Variants in UBAP2L observed in about 807,000 individuals in gnomAD.
UBAP2L encodes ubiquitin-associated protein 2-like.
Under a neutral mutation model 130.6 loss-of-function variants are expected in UBAP2L, and 12 were observed. That is an observed-to-expected ratio of 0.09 (90% CI 0.06 to 0.15). The LOEUF is 0.15. UBAP2L is among the 10% of genes least tolerant of loss of function. The probability of loss-of-function intolerance (pLI) is 1.00; values close to 1 mark genes in which losing one functional copy is unlikely to be tolerated. For missense variants in UBAP2L, 965 were observed against 1,332.5 expected, an observed-to-expected ratio of 0.72 and a Z score of 4.29; for synonymous variants, 503 against 524.7, an observed-to-expected ratio of 0.96 and a Z score of 0.57.
chr1:154,241,662 C>T (rs1312310769), intron 9 of UBAP2L, 97 bp downstream of exon 9: 1 of 1,551,180 alleles, frequency 6.4e-7, no homozygotes. Flanking sequence ...AAAATTCACC[C>T]TTAAGATTCT....
intron 24 of UBAP2L, chr1:154,263,365 T>G: frequency 7.2e-7 from 1 of 1,379,882 alleles, no homozygotes; most frequent in South Asian, 1.8e-5. Context: ...TCTTACCCAT[T>G]TCAAGTTCAA....
At chr1:154,248,462 A>C (rs955014037) in intron 11 of UBAP2L, among the ~76,000 whole-genome samples, 3 of 152,196 alleles carry the variant, frequency 2.0e-5, no homozygotes, top group African/African-American at 7.2e-5. Context: ...TGAGAAGGGC[A>C]AGGACCTTAA....
chr1:154,249,151 C>T, intron 11 of UBAP2L, 88 bp from the exon 12 acceptor site: 1 of 1,294,852 alleles, frequency 7.7e-7, no homozygotes, highest in Non-Finnish European at 1.1e-6. Context: ...CTGATCTATA[C>T]TGGCTCTCGG....
intron 21 of UBAP2L, 152 bp from the exon 22 acceptor site, chr1:154,259,796 T>C (rs1680938827): frequency 1.2e-6 from 1 of 842,982 alleles, no homozygotes; most frequent in African/African-American, 1.7e-5. Context: ...GCAAGAGTAA[T>C]GTGGAGTTTG....
At chr1:154,250,202 G>A (rs994466350) in intron 12 of UBAP2L, among the ~76,000 whole-genome samples, 1 of 152,114 alleles carries the variant, frequency 6.6e-6, no homozygotes, top group African/African-American at 2.4e-5. Context: ...GGGACCACAG[G>A]CTTGTACCAC....
chr1:154,226,488 CTG>C (rs796471233), intron 2 of UBAP2L, among the ~76,000 whole-genome samples: 1 of 152,244 alleles, frequency 6.6e-6, no homozygotes, highest in African/African-American at 2.4e-5. Flanking sequence ...TTTCTTTCAT[CTG>C]TGTTTTCAAG....
intron 14 of UBAP2L, among the ~76,000 whole-genome samples, chr1:154,253,477 C>T (rs1571875239): frequency 1.3e-5 from 2 of 151,260 alleles, no homozygotes; most frequent in African/African-American, 2.4e-5. Flanking sequence ...CTGCGCCTCC[C>T]GGGTTCATGC....
chr1:154,251,687 T>G, intron 14 of UBAP2L, 34 bp downstream of exon 14: 1 of 1,609,598 alleles, frequency 6.2e-7, no homozygotes, highest in Non-Finnish European at 8.5e-7. Flanking sequence ...ACCTCTCTTA[T>G]TAACCTTTAC....
intron 17 of UBAP2L, 120 bp from the exon 18 acceptor site, chr1:154,255,563 G>T: frequency 1.6e-6 from 2 of 1,269,370 alleles, no homozygotes; most frequent in South Asian, 2.5e-5. Context: ...CTTAACATAT[G>T]ATCTCAGACC....
chr1:154,255,793 C>G (rs772073027), intron 18 of UBAP2L, 38 bp downstream of exon 18: 6 of 1,604,458 alleles, frequency 3.7e-6, no homozygotes, highest in Non-Finnish European at 4.3e-6. Flanking sequence ...GGTTTTCTTA[C>G]ACTTAGAACT....
chr1:154,223,618 T>A (rs148762085), intron 1 of UBAP2L, among the ~76,000 whole-genome samples: 2 of 152,142 alleles, frequency 1.3e-5, no homozygotes, highest in African/African-American at 2.4e-5. Context: ...GAAATACTTA[T>A]GGGCTTTTGT....
chr1:154,223,598 T>C (rs1667034544), intron 1 of UBAP2L, among the ~76,000 whole-genome samples: 2 of 152,162 alleles, frequency 1.3e-5, no homozygotes, highest in Admixed American at 1.3e-4. Flanking sequence ...CAAATAATCC[T>C]TTCTAGCTTG....
At chr1:154,241,648 C>T in intron 9 of UBAP2L, 83 bp downstream of exon 9, 1 of 1,579,742 alleles carries the variant, frequency 6.3e-7, no homozygotes, top group Admixed American at 1.8e-5. Flanking sequence ...TGTTTCTACC[C>T]CTCAAAATTC....
Position 154,257,011 on chromosome 1 carries a change from A to G in UBAP2L, c.2158-52A>G, listed in dbSNP as rs531463364. On this transcript the variant is annotated intron_variant, in intron 18 of 26. Coordinates refer to ENST00000428931, the MANE Select transcript of UBAP2L (RefSeq NM_014847.4). ...GGGATTGTCTTATTTTTCCTGACCT[A>G]TGATGCTGATCTCTTTTCTTCTTCT... 4.4e-6 allele frequency: 7 copies of G among 1,574,750 alleles called. No homozygotes were observed. In the African/African-American group the frequency reaches 8.1e-5, roughly 18 times the overall value.
intron 2 of UBAP2L, 63 bp downstream of exon 2, chr1:154,225,276 A>G: frequency 6.5e-7 from 1 of 1,545,254 alleles, no homozygotes; most frequent in East Asian, 2.3e-5. Context: ...GTTTCCATGC[A>G]GTACAGCATC....
At chr1:154,261,225 C>G in intron 23 of UBAP2L, 116 bp downstream of exon 23, 1 of 1,242,746 alleles carries the variant, frequency 8.0e-7, no homozygotes, top group Non-Finnish European at 1.1e-6. Context: ...CAGTTTCCAC[C>G]TCTGGCCTGT....
At chr1:154,271,010 A>G (rs1684648629), downstream of UBAP2L, 1 of 1,448,170 alleles carries the variant, frequency 6.9e-7, no homozygotes, top group Non-Finnish European at 9.4e-7. Context: ...TCCTGACCTT[A>G]ATGTGGTAGT....
intron 15 of UBAP2L, among the ~76,000 whole-genome samples, chr1:154,254,469 A>C (rs986588092): frequency 1.3e-5 from 2 of 152,194 alleles, no homozygotes; most frequent in African/African-American, 4.8e-5. Context: ...TGAGTGTCAG[A>C]TGCAGCCAGC....
At chr1:154,222,150 C>T (rs1056108642) in intron 1 of UBAP2L, among the ~76,000 whole-genome samples, 25 of 152,114 alleles carry the variant, frequency 1.6e-4, no homozygotes, top group African/African-American at 5.8e-4. Context: ...ATGGAGAAAT[C>T]CTTTTTTTTT....
Sources: gnomAD v4.1 joint callset for allele counts (sites outside exome capture counted in the v4.1 genomes callset) on GRCh38, gnomAD v4.1.1 for gene constraint, MANE v1.5 for transcripts, NCBI Gene and HGNC (gene_info 2026-07-23, HGNC 2026-07-21) for gene names.